Variants in COL4A2 observed in about 807,000 individuals in gnomAD.
The protein encoded by COL4A2 is collagen type IV alpha 2 chain, also known as collagen alpha-2(IV) chain.
Under a neutral mutation model 200.2 loss-of-function variants are expected in COL4A2, and 99 were observed. The ratio of observed to expected loss-of-function variants is 0.49; its 90% CI spans 0.42 to 0.58. COL4A2 has a LOEUF of 0.58. Ranked by LOEUF, COL4A2 falls within the 20% of genes least tolerant of loss-of-function variation. COL4A2 has a pLI of 0.00. For missense variants in COL4A2, 1,950 were observed against 2,314.1 expected, an observed-to-expected ratio of 0.84 and a Z score of 3.23; for synonymous variants, 897 against 900.6, an observed-to-expected ratio of 1.00 and a Z score of 0.07.
At chr13:110,510,152 C>T (rs1210065052) in intron 47 of COL4A2, among the ~76,000 whole-genome samples, 1 of 152,236 alleles carries the variant, frequency 6.6e-6, no homozygotes, top group Non-Finnish European at 1.5e-5. Flanking sequence ...CCAGTGGGTA[C>T]GCAGAAGGCG....
chr13:110,475,024 G>A (rs186310545), intron 29 of COL4A2, among the ~76,000 whole-genome samples: 3 of 147,278 alleles, frequency 2.0e-5, no homozygotes, highest in East Asian at 4.3e-4. Flanking sequence ...ATACACACAC[G>A]TACATACCCA....
At chr13:110,462,796 C>T (rs1457376789) in intron 24 of COL4A2, among the ~76,000 whole-genome samples, 1 of 152,152 alleles carries the variant, frequency 6.6e-6, no homozygotes, top group Non-Finnish European at 1.5e-5. Context: ...GCAGAGACCC[C>T]AGCATCATTT....
chr13:110,486,781 A>G (rs1047839423), intron 34 of COL4A2, among the ~76,000 whole-genome samples: 1 of 151,872 alleles, frequency 6.6e-6, no homozygotes, highest in African/African-American at 2.4e-5. Context: ...GGCGGGCAGG[A>G]GTGGGGGTCA....
intron 35 of COL4A2, 74 bp downstream of exon 35, chr13:110,489,582 A>G: frequency 6.3e-7 from 1 of 1,589,436 alleles, no homozygotes; most frequent in South Asian, 1.1e-5. Flanking sequence ...CCAATTTCAG[A>G]CCTGCAAGTG....
intron 40 of COL4A2, among the ~76,000 whole-genome samples, chr13:110,497,950 C>T (rs1235183329): frequency 3.3e-5 from 4 of 123,036 alleles, no homozygotes; most frequent in East Asian, 2.5e-4. Context: ...CCAGCACAGC[C>T]TCAGTCAGGG....
At chr13:110,472,785 GAC>G in intron 28 of COL4A2, 142 bp from the exon 29 acceptor site, 1 of 679,414 alleles carries the variant, frequency 1.5e-6, no homozygotes, top group South Asian at 1.8e-5. Context: ...CAAAAAGGGC[GAC>G]AGGGACAAGG....
intron 3 of COL4A2, among the ~76,000 whole-genome samples, chr13:110,315,568 G>C (rs985857467): frequency 4.6e-5 from 7 of 152,028 alleles, no homozygotes; most frequent in Non-Finnish European, 1.0e-4. Context: ...GCTAACTTAC[G>C]TATTTTTAGT....
At chr13:110,450,908 C>T (rs935947279) in intron 20 of COL4A2, among the ~76,000 whole-genome samples, 5 of 152,190 alleles carry the variant, frequency 3.3e-5, no homozygotes, top group Non-Finnish European at 7.4e-5. Context: ...CCTTGATAAT[C>T]TGCCTTCTCA....
At chr13:110,358,782 GA>G (rs1476289065) in intron 4 of COL4A2, among the ~76,000 whole-genome samples, 1 of 152,178 alleles carries the variant, frequency 6.6e-6, no homozygotes, top group Non-Finnish European at 1.5e-5. Flanking sequence ...ACTTTGCTAA[GA>G]AATTTAATCA....
rs192336585 is a variant in COL4A2, at chr13:110,503,497, G to C, written c.4138+16G>C. 3 of 1,481,294 alleles carry C rather than the reference G, an allele frequency of 2.0e-6. No homozygotes were observed. Among genetic ancestry groups the C allele is most frequent in the Non-Finnish European group, 2.8e-6 (3 of 1,088,760 alleles). The allele number at this position is 1,481,294 out of a possible 1,614,324, so 91.8% of individuals were successfully genotyped here. On this transcript the variant is annotated intron_variant, in intron 43 of 47. Coordinates refer to ENST00000360467, the MANE Select transcript of COL4A2 (RefSeq NM_001846.4). ...GGATTCCCTGGTAAGTGACCGTCTG[G>C]TATCTTCAGAGCTAGTGGCTCAGCC...
Position 110,495,146 on chromosome 13 carries a change from AC to A in COL4A2, c.3635-195del, listed in dbSNP as rs151002988. On this transcript the variant is annotated intron_variant, in intron 39 of 47. Coordinates refer to ENST00000360467, the MANE Select transcript of COL4A2 (RefSeq NM_001846.4). ...CTTATCCATAGAGCCAAGGGCTTCC[AC>A]TGTGATCTCTGTAAGATCCCTTCCA... Among the ~76,000 whole-genome samples the A allele has an allele frequency of 0.019, 2,848 of 152,308 alleles. 80 individuals are homozygous for A. The highest frequency in any genetic ancestry group is 0.063 in the African/African-American group (2,616 of 41,552).
intron 3 of COL4A2, among the ~76,000 whole-genome samples, chr13:110,345,750 G>C (rs374615591): frequency 1.3e-5 from 2 of 152,168 alleles, no homozygotes; most frequent in South Asian, 4.1e-4. Flanking sequence ...GGCAAGGGAA[G>C]GTGGTTTCTG....
At chr13:110,393,802 CT>C (rs1170775661) in intron 4 of COL4A2, among the ~76,000 whole-genome samples, 1 of 152,162 alleles carries the variant, frequency 6.6e-6, no homozygotes, top group Admixed American at 6.5e-5. Flanking sequence ...TCACTTGAAT[CT>C]GGGAGGCAGA....
At chr13:110,482,470 C>G in intron 31 of COL4A2, 46 bp from the exon 32 acceptor site, 3 of 1,583,144 alleles carry the variant, frequency 1.9e-6, no homozygotes, top group Non-Finnish European at 2.6e-6. Flanking sequence ...ATGTCCCATG[C>G]ATTTTATTCA....
At chr13:110,374,365 G>T (rs1200646289) in intron 4 of COL4A2, among the ~76,000 whole-genome samples, 1 of 152,138 alleles carries the variant, frequency 6.6e-6, no homozygotes, top group Non-Finnish European at 1.5e-5. Flanking sequence ...TCCCTGAGGG[G>T]CATCCTTTAA....
At chr13:110,361,784 G>A (rs1329135360) in intron 4 of COL4A2, among the ~76,000 whole-genome samples, 1 of 152,196 alleles carries the variant, frequency 6.6e-6, no homozygotes, top group Non-Finnish European at 1.5e-5. Flanking sequence ...AAGCCACAGA[G>A]TTGAGGCCTG....
chr13:110,437,769 A>C (rs1880950608), intron 13 of COL4A2, among the ~76,000 whole-genome samples: 1 of 152,228 alleles, frequency 6.6e-6, no homozygotes, highest in Non-Finnish European at 1.5e-5. Context: ...TTTCACTTGT[A>C]CCAAGAGGAA....
chr13:110,388,611 A>G (rs1314109992), intron 4 of COL4A2, among the ~76,000 whole-genome samples: 4 of 152,190 alleles, frequency 2.6e-5, no homozygotes, highest in African/African-American at 4.8e-5. Flanking sequence ...GCATATGGTG[A>G]AAAAGTGTCC....
At chr13:110,400,024 TCAGA>T (rs886917665) in intron 4 of COL4A2, among the ~76,000 whole-genome samples, 11 of 152,030 alleles carry the variant, frequency 7.2e-5, no homozygotes, top group Non-Finnish European at 1.5e-4. Flanking sequence ...TGTGTAGTAA[TCAGA>T]CAAATTCTCC....
Sources: allele counts gnomAD v4.1 joint callset (sites outside exome capture counted in the v4.1 genomes callset), GRCh38; gene constraint gnomAD v4.1.1; transcripts MANE v1.5; gene names NCBI Gene and HGNC (gene_info 2026-07-23, HGNC 2026-07-21).